The following RALY variants were observed in gnomAD, a reference collection of about 807,000 sequenced individuals.
RALY encodes the protein RALY heterogeneous nuclear ribonucleoprotein.
RALY carries 15 observed loss-of-function variants against 30.7 expected under a neutral mutation model. The ratio of observed to expected loss-of-function variants is 0.49; its 90% CI spans 0.33 to 0.75. RALY has a LOEUF of 0.75. RALY is among the 30% of genes least tolerant of loss of function. The pLI is 0.02. For missense variants in RALY, 339 were observed against 414.3 expected, an observed-to-expected ratio of 0.82 and a Z score of 1.58; for synonymous variants, 177 against 170.8, an observed-to-expected ratio of 1.04 and a Z score of -0.28.
intron 2 of RALY, among the ~76,000 whole-genome samples, chr20:34,066,776 T>C (rs971248975): frequency 1.3e-5 from 2 of 151,984 alleles, no homozygotes; most frequent in African/African-American, 4.8e-5. Context: ...AAAGCCCCAC[T>C]TCCTAATACC....
chr20:34,054,640 A>G (rs2033183283), intron 2 of RALY, among the ~76,000 whole-genome samples: 1 of 152,152 alleles, frequency 6.6e-6, no homozygotes, highest in African/African-American at 2.4e-5. Context: ...AGCCTGACCA[A>G]TGTGGTGAAA....
At chr20:34,007,294 G>C (rs2122998417) in intron 1 of RALY, among the ~76,000 whole-genome samples, 1 of 152,296 alleles carries the variant, frequency 6.6e-6, no homozygotes, top group African/African-American at 2.4e-5. Context: ...GGCCAAGGCA[G>C]GCGGATCACG....
chr20:34,058,097 G>A (rs1027032741), intron 2 of RALY, among the ~76,000 whole-genome samples: 14 of 152,020 alleles, frequency 9.2e-5, no homozygotes, highest in East Asian at 3.9e-4. Flanking sequence ...GAAGGGGGCC[G>A]GGAAGGGTTA....
intron 1 of RALY, among the ~76,000 whole-genome samples, chr20:34,022,847 C>T (rs777459563): frequency 1.3e-5 from 2 of 152,364 alleles, no homozygotes. Flanking sequence ...GATTTCTTCT[C>T]TAAGCCTCCA....
At chr20:33,999,556 A>G (rs548871905) in intron 1 of RALY, among the ~76,000 whole-genome samples, 9 of 152,224 alleles carry the variant, frequency 5.9e-5, no homozygotes, top group Non-Finnish European at 7.3e-5. Flanking sequence ...TATCCAGGCT[A>G]CATCCTTTGG....
chr20:34,000,703 T>C (rs190382701), intron 1 of RALY, among the ~76,000 whole-genome samples: 1 of 152,314 alleles, frequency 6.6e-6, no homozygotes, highest in East Asian at 1.9e-4. Context: ...TGTGGCTGAA[T>C]ACTTGGGTTT....
At chr20:33,996,373 G>A (rs1317675387) in intron 1 of RALY, among the ~76,000 whole-genome samples, 1 of 152,090 alleles carries the variant, frequency 6.6e-6, no homozygotes, top group East Asian at 1.9e-4. Context: ...GCTTTATAGT[G>A]GTAGTAATAA....
At chr20:34,077,289 C>A (rs768917882) in intron 8 of RALY, 44 bp downstream of exon 8, 4 of 1,608,894 alleles carry the variant, frequency 2.5e-6, no homozygotes, top group Non-Finnish European at 3.4e-6. Flanking sequence ...GACTGTGCTC[C>A]TACTCTCAGG....
In RALY at chr20:33,994,008, T is replaced by G. The variant is rs910817052; in HGVS notation, c.-216T>G. The G allele has an allele frequency of 1.3e-5, 2 of 151,744 alleles. No homozygotes were observed. Among genetic ancestry groups the G allele is most frequent in the African/African-American group, 4.8e-5 (2 of 41,318 alleles). The allele number at this position is 151,744 out of a possible 1,614,324, so 9.4% of individuals were successfully genotyped here. A position where few individuals can be genotyped will look rare whatever the true frequency, so the allele number is the denominator to read the frequency against. ...CGGCGGCGACGGCGACGACGACGAC[T>G]CCCGCGCGTGTGCCCAGCCTCTTCC... On this transcript the variant is annotated 5_prime_UTR_variant, in exon 1 of 10. Transcript: ENST00000246194.
At chr20:34,028,966 T>G (rs2032158455) in intron 1 of RALY, among the ~76,000 whole-genome samples, 1 of 152,104 alleles carries the variant, frequency 6.6e-6, no homozygotes. Flanking sequence ...GCCATGACTT[T>G]TTTTGAGCAG....
chr20:34,020,835 G>T (rs915014297), intron 1 of RALY, among the ~76,000 whole-genome samples: 39 of 152,336 alleles, frequency 2.6e-4, no homozygotes, highest in Admixed American at 2.5e-3. Context: ...TCAGAACTAG[G>T]CCTGAAATGG....
At chr20:34,062,032 AC>A (rs1446172458) in intron 2 of RALY, among the ~76,000 whole-genome samples, 1 of 152,128 alleles carries the variant, frequency 6.6e-6, no homozygotes, top group East Asian at 1.9e-4. Flanking sequence ...ATGCCACATG[AC>A]CTAGGTTTTT....
At chr20:34,003,393 G>A (rs2031009874) in intron 1 of RALY, among the ~76,000 whole-genome samples, 2 of 152,068 alleles carry the variant, frequency 1.3e-5, no homozygotes, top group Admixed American at 1.3e-4. Context: ...AGTGGTAATA[G>A]GTAAGTGGCA....
At chr20:34,067,960 G>A (rs889097138) in intron 2 of RALY, among the ~76,000 whole-genome samples, 1 of 151,940 alleles carries the variant, frequency 6.6e-6, no homozygotes, top group Admixed American at 6.6e-5. Flanking sequence ...TCTTGTCTCT[G>A]CTACTCACTA....
At chr20:34,077,341 C>G in intron 8 of RALY, 96 bp downstream of exon 8, 1 of 1,563,946 alleles carries the variant, frequency 6.4e-7, no homozygotes. Flanking sequence ...GTTGCCCCCA[C>G]TGTGAACTTC....
At chr20:34,066,169 C>CTT (rs200689368) in intron 2 of RALY, among the ~76,000 whole-genome samples, 9,219 of 126,376 alleles carry the variant, frequency 0.073, 1,126 homozygotes, top group African/African-American at 0.26. Flanking sequence ...TGCTGATCCT[C>CTT]TTTTTTTTTT....
intron 8 of RALY, chr20:34,077,582 T>G (rs1393580512): frequency 2.4e-6 from 1 of 411,550 alleles, no homozygotes; most frequent in Non-Finnish European, 4.4e-6. Context: ...TGGGGTGGCT[T>G]GTGGAGGCCA....
chr20:34,001,534 A>G (rs1239973809), intron 1 of RALY, among the ~76,000 whole-genome samples: 1 of 152,292 alleles, frequency 6.6e-6, no homozygotes, highest in South Asian at 2.1e-4. Context: ...AGAGGCATTT[A>G]TCTGGTATTT....
intron 9 of RALY, among the ~76,000 whole-genome samples, chr20:34,078,972 C>G (rs957574872): frequency 6.6e-6 from 1 of 152,184 alleles, no homozygotes; most frequent in Non-Finnish European, 1.5e-5. Flanking sequence ...GAGCAATGTT[C>G]CACACCAGGG....
Sources: gnomAD v4.1 joint callset for allele counts (sites outside exome capture counted in the v4.1 genomes callset) on GRCh38, gnomAD v4.1.1 for gene constraint, MANE v1.5 for transcripts, NCBI Gene and HGNC (gene_info 2026-07-23, HGNC 2026-07-21) for gene names.